Variants in ABCA9 observed in about 807,000 individuals in gnomAD.
ABCA9 encodes the protein ATP-binding cassette sub-family A member 9.
ABCA9 carries 183 observed loss-of-function variants against 205.3 expected under a neutral mutation model. The observed-to-expected ratio is 0.89, with a 90% CI of 0.79 to 1.01. The LOEUF (loss-of-function observed/expected upper bound fraction) is 1.01. Among genes scored for constraint, ABCA9 ranks in the 50% least tolerant of loss-of-function variants. The pLI is 0.00. For synonymous variants in ABCA9, 651 were observed against 683.3 expected, an observed-to-expected ratio of 0.95 and a Z score of 0.74; for missense variants, 1,805 against 1,912.4, an observed-to-expected ratio of 0.94 and a Z score of 1.05.
the ABCA9 span, among the ~76,000 whole-genome samples, chr17:69,069,941 C>G: frequency 6.6e-6 from 1 of 152,040 alleles, no homozygotes; most frequent in Non-Finnish European, 1.5e-5. Context: ...ATCAAAAACA[C>G]AAGCAAAGAT....
intron 25 of ABCA9, among the ~76,000 whole-genome samples, chr17:69,003,398 A>C (rs1165839536): frequency 4.4e-4 from 63 of 144,814 alleles, no homozygotes; most frequent in Middle Eastern, 3.4e-3. Flanking sequence ...GCTGGATATG[A>C]AATTCTGGGT....
At chr17:68,981,234 G>A (rs1355455332) in intron 37 of ABCA9, among the ~76,000 whole-genome samples, 2 of 151,976 alleles carry the variant, frequency 1.3e-5, no homozygotes, top group African/African-American at 4.8e-5. Flanking sequence ...CATGATGACT[G>A]TAGTTAATAA....
At chr17:69,005,090 C>T (rs1478018905) in intron 25 of ABCA9, among the ~76,000 whole-genome samples, 1 of 152,214 alleles carries the variant, frequency 6.6e-6, no homozygotes, top group African/African-American at 2.4e-5. Flanking sequence ...TTCTGCGTCG[C>T]TCAGGCTGGG....
At chr17:69,020,124 G>A (rs1282928386) in intron 19 of ABCA9, 3 of 348,910 alleles carry the variant, frequency 8.6e-6, no homozygotes, top group East Asian at 5.7e-5. Context: ...TAATATCCAC[G>A]TGCTTTTGAA....
At chr17:69,075,193 T>G in the ABCA9 span, among the ~76,000 whole-genome samples, 1 of 152,226 alleles carries the variant, frequency 6.6e-6, no homozygotes, top group African/African-American at 2.4e-5. Flanking sequence ...TTCTCTAGGT[T>G]GTCTATTTAC....
In ABCA9 at chr17:69,017,653, T is replaced by C. The variant is rs1329200182; in HGVS notation, c.2901+3A>G. ...GAAATGCAGCAACTGGAGTCCAGCA[T>C]ACCTTTTCATCACCTGACACAATGA... On this transcript the variant is annotated splice_donor_region_variant and intron_variant, in intron 21 of 38. Transcript: ENST00000340001. The C allele has an allele frequency of 6.2e-7, 1 of 1,612,746 alleles. No individual in the cohort carries two copies. The highest frequency in any genetic ancestry group is 1.7e-5 in the Admixed American group (1 of 59,954).
At chr17:69,060,139 A>AT (rs1037502423) in intron 1 of ABCA9, among the ~76,000 whole-genome samples, 3 of 152,176 alleles carry the variant, frequency 2.0e-5, no homozygotes, top group African/African-American at 7.2e-5. Flanking sequence ...GTTAAGACTG[A>AT]TTTTTCCCCC....
chr17:69,066,338 A>G, the ABCA9 span, among the ~76,000 whole-genome samples: 177 of 152,334 alleles, frequency 1.2e-3, 2 homozygotes, highest in African/African-American at 4.1e-3. Flanking sequence ...TTTTAAATGT[A>G]TAATATTGAA....
intron 1 of ABCA9, among the ~76,000 whole-genome samples, chr17:69,052,495 G>T (rs2071939453): frequency 6.6e-6 from 1 of 152,068 alleles, no homozygotes. Flanking sequence ...ATTAGACTAG[G>T]AATTTGAAAC....
In ABCA9 at chr17:69,043,548, T is replaced by C. The variant is rs1483860325; in HGVS notation, c.741A>G (p.Gln247=). 1 of 1,610,998 alleles carries C rather than the reference T, an allele frequency of 6.2e-7. No homozygotes were observed. Among genetic ancestry groups the C allele is most frequent in the African/African-American group, 1.3e-5 (1 of 74,868 alleles). The change falls in exon 6 of 39, where the codon CAA becomes CAG. Residue 247 remains glutamine (Q), a synonymous_variant. Coordinates refer to ENST00000340001, the MANE Select transcript of ABCA9 (RefSeq NM_080283.4). ...FIYYVSVNVT[Q]ERQYITSLMT... The stretch of plus-strand genomic sequence containing the variant: ...TCAATGACGTAATGTATTGTCTTTC[T>C]TGTGTAACATTGACTGATACATAGT...
chr17:69,066,265 C>T, the ABCA9 span, among the ~76,000 whole-genome samples: 1 of 152,132 alleles, frequency 6.6e-6, no homozygotes, highest in East Asian at 1.9e-4. Context: ...GGTACAAAAT[C>T]ATCACCGCTG....
In ABCA9 at chr17:69,017,740, A is replaced by T; in HGVS notation, c.2817T>A (p.Ala939=). ...TAGTTCCAAAGGCATCCACTTCTAT[A>T]GCTATGTTCTGTCGCCTCAGTGAAT... The part of the protein sequence containing the change: ...FLHSLRRQNI[A]IEVDAFGTRN... The change falls in exon 21 of 39, where the codon GCT becomes GCA. Residue 939 remains alanine (A), a synonymous_variant. Coordinates refer to ENST00000340001, the MANE Select transcript of ABCA9 (RefSeq NM_080283.4). 1.9e-6 allele frequency: 3 copies of T among 1,613,476 alleles called. No homozygotes were observed. Among genetic ancestry groups the T allele is most frequent in the Non-Finnish European group, 2.5e-6 (3 of 1,179,514 alleles).
chr17:68,984,021 C>G (rs1292857076), intron 35 of ABCA9, 35 bp downstream of exon 35: 1 of 1,613,448 alleles, frequency 6.2e-7, no homozygotes, highest in Non-Finnish European at 8.5e-7. Context: ...AGCACACAAC[C>G]TAGGGGCTGA....
chr17:69,032,373 C>T, intron 9 of ABCA9, 97 bp from the exon 10 acceptor site: 2 of 1,123,378 alleles, frequency 1.8e-6, no homozygotes, highest in East Asian at 5.0e-5. Context: ...AACCTGAACC[C>T]ACATTATCAT....
At chr17:69,020,723 T>A in intron 18 of ABCA9, 137 bp from the exon 19 acceptor site, 1 of 640,902 alleles carries the variant, frequency 1.6e-6, no homozygotes, top group Non-Finnish European at 2.6e-6. Context: ...TGTATGACAT[T>A]ATTAGAGCAA....
chr17:69,074,808 T>A, the ABCA9 span, among the ~76,000 whole-genome samples: 1 of 152,196 alleles, frequency 6.6e-6, no homozygotes, highest in African/African-American at 2.4e-5. Flanking sequence ...ATAATGGGAT[T>A]GCTGGGTCAA....
intron 23 of ABCA9, among the ~76,000 whole-genome samples, chr17:69,009,598 G>A (rs1324868947): frequency 6.6e-6 from 1 of 152,150 alleles, no homozygotes; most frequent in East Asian, 1.9e-4. Context: ...AAGAGATTTA[G>A]ACAGAGAATT....
At chr17:69,024,394 T>C (rs1211585203) in intron 16 of ABCA9, 41 bp from the exon 17 acceptor site, 5 of 1,500,652 alleles carry the variant, frequency 3.3e-6, no homozygotes, top group South Asian at 1.3e-5. Flanking sequence ...TATCCAACTG[T>C]GTCTATAAAA....
Position 68,989,817 on chromosome 17 carries a change from T to C in ABCA9, c.3951A>G (p.Lys1317=). ...AATGGAACTACTGTTTCCAACCTTTTTTAACACAAAAAGAGACATTTCTTG... is the reference window on the plus strand; with the variant it reads ...AATGGAACTACTGTTTCCAACCTTTCTTAACACAAAAAGAGACATTTCTTG... ...IATRNVSFCV[K]KGEVIGLLGH... Residue 1317 remains lysine (K), a synonymous_variant, in exon 30 of 39, where the codon AAA becomes AAG. Coordinates refer to ENST00000340001, the MANE Select transcript of ABCA9 (RefSeq NM_080283.4). 1.3e-6 allele frequency: 2 copies of C among 1,572,290 alleles called. No individual in the cohort carries two copies. The highest frequency in any genetic ancestry group is 1.1e-5 in the South Asian group (1 of 89,460).
Sources: allele counts gnomAD v4.1 joint callset (sites outside exome capture counted in the v4.1 genomes callset), GRCh38; gene constraint gnomAD v4.1.1; transcripts MANE v1.5; gene names NCBI Gene and HGNC (gene_info 2026-07-23, HGNC 2026-07-21).